NME7: variants seen among roughly 807,000 people sequenced by gnomAD.
NME7 encodes nucleoside diphosphate kinase 7.
Under a neutral mutation model 49.1 loss-of-function variants are expected in NME7, and 41 were observed. That is an observed-to-expected ratio of 0.83 (90% CI 0.65 to 1.08). The LOEUF (loss-of-function observed/expected upper bound fraction) is 1.08. NME7 is among the 50% of genes least tolerant of loss of function. The probability of loss-of-function intolerance (pLI) is 0.00; values close to 1 mark genes in which losing one functional copy is unlikely to be tolerated. For synonymous variants in NME7, 139 were observed against 150.6 expected (o/e 0.92, Z 0.56); for missense variants, 423 against 463.4 (o/e 0.91, Z 0.80).
chr1:169,251,547 C>CTTTTTTTTTTTTTTTTTTTTT (rs36096137), intron 7 of NME7, among the ~76,000 whole-genome samples: 1 of 123,982 alleles, frequency 8.1e-6, no homozygotes, highest in Admixed American at 8.0e-5. Context: ...ACTCTGGTTT[C>CTTTTTTTTTTTTTTTTTTTTT]TTTTTTTTTT....
chr1:169,255,577 T>G (rs1648891692), intron 7 of NME7, among the ~76,000 whole-genome samples: 1 of 127,232 alleles, frequency 7.9e-6, no homozygotes. Context: ...AAAGTTAATA[T>G]TGTTATGTGT....
chr1:169,158,569 A>G (rs1659150501), intron 11 of NME7, among the ~76,000 whole-genome samples: 1 of 152,146 alleles, frequency 6.6e-6, no homozygotes, highest in South Asian at 2.1e-4. Flanking sequence ...AGACCTCCTT[A>G]ACCAGAATCT....
chr1:169,140,070 G>A, intron 11 of NME7, among the ~76,000 whole-genome samples: 1 of 152,152 alleles, frequency 6.6e-6, no homozygotes, highest in Non-Finnish European at 1.5e-5. Context: ...ATACACTGAA[G>A]TATTGAGAGA....
chr1:169,363,185 G>A (rs1653723494), intron 1 of NME7, among the ~76,000 whole-genome samples: 1 of 152,022 alleles, frequency 6.6e-6, no homozygotes, highest in East Asian at 1.9e-4. Flanking sequence ...GCTGCAGTGA[G>A]CCATGATCTC....
intron 10 of NME7, among the ~76,000 whole-genome samples, chr1:169,171,146 C>G (rs1171570894): frequency 6.6e-6 from 1 of 152,140 alleles, no homozygotes; most frequent in South Asian, 2.1e-4. Flanking sequence ...TACCTATAAT[C>G]GGCACTTTGG....
chr1:169,247,335 G>C (rs1004033286), intron 7 of NME7, among the ~76,000 whole-genome samples: 1 of 152,172 alleles, frequency 6.6e-6, no homozygotes, highest in Non-Finnish European at 1.5e-5. Flanking sequence ...GCTATGGATA[G>C]AGTGAGCTGC....
At position 169,142,536 on chromosome 1, in the gene NME7, A is replaced by G. The variant is rs545022576; in HGVS notation, c.1099-9719T>C. ...AAGAAGCACCTGCAATTTGATAATT[A>G]TAATAATTCATTATACTGCTTACAA... On this transcript the variant is annotated intron_variant, in intron 11 of 11. Coordinates refer to ENST00000367811, the MANE Select transcript of NME7 (RefSeq NM_013330.5). Among the ~76,000 whole-genome samples the G allele has an allele frequency of 2.6e-5, 4 of 152,346 alleles. No homozygotes were observed. In the South Asian group the frequency reaches 8.3e-4, roughly 32 times the overall value.
intron 7 of NME7, among the ~76,000 whole-genome samples, chr1:169,255,968 C>A: frequency 7.5e-6 from 1 of 132,798 alleles, no homozygotes; most frequent in East Asian, 2.0e-4. Flanking sequence ...TGAGGGTAAC[C>A]CGACCTTTCT....
chr1:169,195,181 A>T (rs2101769293), intron 10 of NME7, among the ~76,000 whole-genome samples: 1 of 152,320 alleles, frequency 6.6e-6, no homozygotes, highest in African/African-American at 2.4e-5. Flanking sequence ...TGGCTTTTTA[A>T]TAAGAATATG....
At chr1:169,309,089 C>T (rs1428595171) in intron 4 of NME7, among the ~76,000 whole-genome samples, 2 of 152,038 alleles carry the variant, frequency 1.3e-5, no homozygotes, top group Non-Finnish European at 2.9e-5. Context: ...GTTATAAAAG[C>T]AGATGGGGTT....
At chr1:169,212,622 G>C (rs912969304) in intron 10 of NME7, among the ~76,000 whole-genome samples, 1 of 88,996 alleles carries the variant, frequency 1.1e-5, no homozygotes, top group African/African-American at 3.9e-5. Context: ...TTTTTTTTAA[G>C]TCAAGGTCTT....
At chr1:169,338,668 T>C (rs1432242985) in intron 1 of NME7, among the ~76,000 whole-genome samples, 1 of 152,122 alleles carries the variant, frequency 6.6e-6, no homozygotes, top group Non-Finnish European at 1.5e-5. Flanking sequence ...TCTAAAAAGG[T>C]TGAACTTTCC....
At chr1:169,318,359 A>G (rs752875308) in intron 3 of NME7, among the ~76,000 whole-genome samples, 3 of 152,216 alleles carry the variant, frequency 2.0e-5, no homozygotes, top group Non-Finnish European at 4.4e-5. Flanking sequence ...TGAGCTCAAG[A>G]GATGACAAGA....
chr1:169,298,562 C>T lies in NME7; in HGVS notation c.642G>A (p.Ala214=), dbSNP rs756431039. 6.8e-6 allele frequency: 11 copies of T among 1,613,414 alleles called. No individual in the cohort carries two copies. The highest frequency in any genetic ancestry group is 6.7e-5 in the Admixed American group (4 of 59,912). Residue 214 remains alanine, a synonymous_variant, in exon 6 of 12, where the codon GCG becomes GCA. Coordinates refer to ENST00000367811, the MANE Select transcript of NME7 (RefSeq NM_013330.5). The part of the protein sequence containing the change: ...AAHGPDSFAS[A]AREMELFFPS... ...TATTTTTAAAACACCTTACTCTGGC[C>T]GCAGAAGCAAAAGAATCAGGGCCAT... is the stretch of plus-strand genomic sequence containing the variant.
intron 7 of NME7, among the ~76,000 whole-genome samples, chr1:169,244,059 A>C (rs561390267): frequency 6.6e-6 from 1 of 152,108 alleles, no homozygotes; most frequent in Admixed American, 6.5e-5. Context: ...AAATATACAT[A>C]TGTGTATATA....
chr1:169,277,997 G>T (rs1417120018), intron 7 of NME7, among the ~76,000 whole-genome samples: 1 of 151,160 alleles, frequency 6.6e-6, no homozygotes, highest in African/African-American at 2.4e-5. Context: ...TTTTCTTTAA[G>T]AATGGTGAAT....
intron 1 of NME7, among the ~76,000 whole-genome samples, chr1:169,331,112 C>A (rs1160604422): frequency 4.6e-5 from 7 of 152,118 alleles, no homozygotes; most frequent in Admixed American, 2.6e-4. Context: ...AAAGATCATT[C>A]ATTATGACCG....
intron 1 of NME7, among the ~76,000 whole-genome samples, chr1:169,366,826 T>G (rs1402410840): frequency 1.3e-5 from 2 of 152,114 alleles, no homozygotes; most frequent in African/African-American, 2.4e-5. Flanking sequence ...AGGGGAAAAC[T>G]GGGGTAACCA....
chr1:169,304,690 A>G (rs1212305405), intron 4 of NME7, among the ~76,000 whole-genome samples: 1 of 152,228 alleles, frequency 6.6e-6, no homozygotes, highest in Non-Finnish European at 1.5e-5. Flanking sequence ...GGAAAAGAAT[A>G]AAGTTCAGCA....
Sources: allele counts gnomAD v4.1 joint callset (sites outside exome capture counted in the v4.1 genomes callset), GRCh38; gene constraint gnomAD v4.1.1; transcripts MANE v1.5; gene names NCBI Gene and HGNC (gene_info 2026-07-23, HGNC 2026-07-21).